Variants in BBS12 observed in about 807,000 individuals in gnomAD.
BBS12 encodes Bardet-Biedl syndrome 12, also known as chaperonin-containing T-complex member BBS12.
BBS12 carries 5 observed loss-of-function variants against 5.6 expected under a neutral mutation model. The observed-to-expected ratio is 0.89, with a 90% CI of 0.46 to 1.86. The LOEUF (loss-of-function observed/expected upper bound fraction) is 1.86, where lower values mean the gene tolerates loss of function less well. BBS12 is among the 40% of genes most tolerant of loss of function. The pLI is 0.01. For missense variants in BBS12, 748 were observed against 830.4 expected (o/e 0.90, Z 1.22); for synonymous variants, 308 against 306.8 (o/e 1.00, Z -0.04).
chr4:122,727,765 G>C (rs983729659), upstream of BBS12, among the ~76,000 whole-genome samples: 2 of 151,700 alleles, frequency 1.3e-5, no homozygotes, highest in Non-Finnish European at 2.9e-5. Context: ...TGTTGGCCAG[G>C]CTGGTCTCGA....
chr4:122,707,054 C>CTCTCTTT, the BBS12 span, among the ~76,000 whole-genome samples: 73 of 72,260 alleles, frequency 1.0e-3, 1 homozygote, highest in East Asian at 7.0e-3. Flanking sequence ...CTCTCTCTCT[C>CTCTCTTT]TTTTTTTTTT....
At chr4:122,737,406 T>C (rs1800798829) in intron 1 of BBS12, among the ~76,000 whole-genome samples, 1 of 152,216 alleles carries the variant, frequency 6.6e-6, no homozygotes, top group Non-Finnish European at 1.5e-5. Context: ...TTTTACAAAT[T>C]AGCTGTGAAA....
At chr4:122,738,311 C>T (rs1006503203) in intron 1 of BBS12, among the ~76,000 whole-genome samples, 21 of 152,172 alleles carry the variant, frequency 1.4e-4, no homozygotes, top group Admixed American at 9.8e-4. Flanking sequence ...CCCGGGTTCA[C>T]GCTGTTCTCC....
Position 122,744,791 on chromosome 4 carries a change from G to A in BBS12, c.*766G>A, listed in dbSNP as rs913811724. 2 of 167,166 alleles carry A rather than the reference G, an allele frequency of 1.2e-5. No homozygotes were observed. Among genetic ancestry groups the A allele is most frequent in the African/African-American group, 2.4e-5 (1 of 41,468 alleles). The allele number at this position is 167,166 out of a possible 1,614,324, so 10.4% of individuals were successfully genotyped here. On this transcript the variant is annotated 3_prime_UTR_variant, in exon 2 of 2. Coordinates refer to ENST00000314218, the MANE Select transcript of BBS12 (RefSeq NM_152618.3). The stretch of plus-strand genomic sequence containing the variant: ...AGCAGCAGGATGAAGCCAACCTGCA[G>A]TATTAACCTCAGTCCTGTCCCCCAA...
At chr4:122,739,068 T>G (rs1416551331) in intron 1 of BBS12, among the ~76,000 whole-genome samples, 1 of 152,250 alleles carries the variant, frequency 6.6e-6, no homozygotes, top group Non-Finnish European at 1.5e-5. Context: ...GTTAGAGTTA[T>G]GCAGTCAGAA....
chr4:122,742,016 G>T lies in BBS12; in HGVS notation c.124G>T (p.Glu42Ter), dbSNP rs1800881089. 6.2e-7 allele frequency: 1 copy of T among 1,613,694 alleles called. No individual in the cohort carries two copies. The highest frequency in any genetic ancestry group is 2.2e-5 in the East Asian group (1 of 44,870). ...PLKSSKFIID[E>*]ECHESVLISS... ...AAAATCATCCAAATTTATTATAGAT[G>T]AAGAATGTCATGAAAGTGTATTAAT... Residue 42 changes from glutamate (E) to a stop codon, truncating the protein, a stop_gained, in exon 2 of 2, where the codon GAA becomes TAA. Coordinates refer to ENST00000314218, the MANE Select transcript of BBS12 (RefSeq NM_152618.3). LOFTEE classifies it low-confidence loss of function (END_TRUNC).
chr4:122,733,621 G>A (rs552102928), intron 1 of BBS12, among the ~76,000 whole-genome samples: 2 of 152,222 alleles, frequency 1.3e-5, no homozygotes, highest in African/African-American at 4.8e-5. Context: ...GCTTCTGCCC[G>A]TTCTGAATTT....
chr4:122,727,147 A>T, the BBS12 span, among the ~76,000 whole-genome samples: 1 of 152,272 alleles, frequency 6.6e-6, no homozygotes, highest in Non-Finnish European at 1.5e-5. Flanking sequence ...ATGCAAATCA[A>T]AAGGCAAATA....
the BBS12 span, among the ~76,000 whole-genome samples, chr4:122,719,305 G>A: frequency 6.6e-6 from 1 of 152,148 alleles, no homozygotes; most frequent in Non-Finnish European, 1.5e-5. Flanking sequence ...TCAGCACTCT[G>A]TAAAATGGAC....
chr4:122,701,478 A>G, the BBS12 span, among the ~76,000 whole-genome samples: 9 of 152,202 alleles, frequency 5.9e-5, no homozygotes, highest in Non-Finnish European at 1.2e-4. Flanking sequence ...GTACACATTT[A>G]TGTCTGTCTG....
intron 1 of BBS12, among the ~76,000 whole-genome samples, chr4:122,740,591 C>T (rs545142075): frequency 3.9e-4 from 59 of 152,224 alleles, no homozygotes; most frequent in Middle Eastern, 3.4e-3. Context: ...TTTGTAATCC[C>T]GGCAATTAAC....
chr4:122,742,479 CAT>C lies in BBS12; in HGVS notation c.590_591del (p.Tyr197Ter), dbSNP rs1560706958. On this transcript the variant is annotated frameshift_variant, in exon 2 of 2. Transcript: ENST00000314218. LOFTEE classifies it low-confidence loss of function (END_TRUNC). ...AACCTTTCTGGGAGACCTCTTAAAT[CAT>C]ATGAATTATTTAAACCTCAGACAAA... is the stretch of plus-strand genomic sequence containing the variant. 2 of 1,613,974 alleles carry C rather than the reference CAT, an allele frequency of 1.2e-6. No homozygotes were observed. The highest frequency in any genetic ancestry group is 1.7e-5 in the Admixed American group (1 of 59,998).
the BBS12 span, among the ~76,000 whole-genome samples, chr4:122,725,897 CAAAAAAAA>C: frequency 8.6e-4 from 45 of 52,526 alleles, no homozygotes; most frequent in Middle Eastern, 0.014. Context: ...GACTCTGTCT[CAAAAAAAA>C]AAAAAAAAAA....
At chr4:122,718,720 A>AAATGAAATGAAAT in the BBS12 span, among the ~76,000 whole-genome samples, 1 of 133,494 alleles carries the variant, frequency 7.5e-6, no homozygotes, top group Non-Finnish European at 1.6e-5. Flanking sequence ...ATGTGAAATG[A>AAATGAAATGAAAT]AATGAAATGA....
chr4:122,735,378 A>G (rs1460328508), intron 1 of BBS12, among the ~76,000 whole-genome samples: 1 of 152,224 alleles, frequency 6.6e-6, no homozygotes, highest in Non-Finnish European at 1.5e-5. Context: ...TATAAGGCAC[A>G]TATATCAAGC....
the BBS12 span, among the ~76,000 whole-genome samples, chr4:122,720,144 G>A: frequency 6.6e-6 from 1 of 152,138 alleles, no homozygotes; most frequent in African/African-American, 2.4e-5. Flanking sequence ...ATCAGACAGG[G>A]AGCTGAAAAT....
At chr4:122,725,444 C>T in the BBS12 span, among the ~76,000 whole-genome samples, 1 of 152,090 alleles carries the variant, frequency 6.6e-6, no homozygotes, top group African/African-American at 2.4e-5. Context: ...TAATAGAGAA[C>T]GCAGAAATAA....
the BBS12 span, among the ~76,000 whole-genome samples, chr4:122,727,544 A>ATTTTTTTTTTTTTTTTTTTTTTTTTT: frequency 2.7e-4 from 22 of 82,294 alleles, 8 homozygotes; most frequent in East Asian, 9.3e-4. Context: ...CCCCTGGCCA[A>ATTTTTTTTTTTTTTTTTTTTTTTTTT]TTTTTTTTTT....
intron 1 of BBS12, among the ~76,000 whole-genome samples, chr4:122,741,248 G>A (rs997900423): frequency 2.0e-5 from 3 of 151,974 alleles, no homozygotes; most frequent in Admixed American, 6.6e-5. Flanking sequence ...GTGCAGTGGC[G>A]CCATCTTGGC....
Sources: allele counts gnomAD v4.1 joint callset (sites outside exome capture counted in the v4.1 genomes callset), GRCh38; gene constraint gnomAD v4.1.1; transcripts MANE v1.5; gene names NCBI Gene and HGNC (gene_info 2026-07-23, HGNC 2026-07-21).